Variants in MIEF1 observed in about 807,000 individuals in gnomAD.
The protein encoded by MIEF1 is mitochondrial dynamics protein MIEF1.
A neutral mutation model predicts 35.1 loss-of-function variants in MIEF1; 14 were observed. The ratio of observed to expected loss-of-function variants is 0.40; its 90% CI spans 0.26 to 0.62. MIEF1 has a LOEUF of 0.62. Among genes scored for constraint, MIEF1 ranks in the 20% least tolerant of loss-of-function variants. The probability of loss-of-function intolerance (pLI) is 0.43; values close to 1 mark genes in which losing one functional copy is unlikely to be tolerated. For missense variants in MIEF1, 542 were observed against 615.4 expected (o/e 0.88, Z 1.26); for synonymous variants, 245 against 254.3 (o/e 0.96, Z 0.35).
chr22:39,510,975 G>C (rs1342715101), intron 2 of MIEF1, among the ~76,000 whole-genome samples: 1 of 152,194 alleles, frequency 6.6e-6, no homozygotes, highest in East Asian at 1.9e-4. Flanking sequence ...GCAGAGAGAG[G>C]GCTGTTTTGC....
At position 39,517,605 on chromosome 22, in the gene MIEF1, A is replaced by G. The variant is rs765092812; in HGVS notation, c.*3282A>G. 9 of 471,188 alleles carry G rather than the reference A, an allele frequency of 1.9e-5. No homozygotes were observed. The highest frequency in any genetic ancestry group is 1.1e-4 in the South Asian group (7 of 64,572). The allele number at this position is 471,188 out of a possible 1,614,324, so 29.2% of individuals were successfully genotyped here. ...CTGCGAGTGTCCAGAGCTCTCTGCC[A>G]TGATACTTCCTTGGGACTGACTTGG... On this transcript the variant is annotated 3_prime_UTR_variant, in exon 6 of 6. Coordinates refer to ENST00000325301, the MANE Select transcript of MIEF1 (RefSeq NM_019008.6).
In MIEF1 at chr22:39,515,128, T is replaced by C; in HGVS notation, c.*805T>C. 1.6e-6 allele frequency: 1 copy of C among 628,718 alleles called. No homozygotes were observed. The highest frequency in any genetic ancestry group is 2.9e-6 in the Non-Finnish European group (1 of 342,780). 38.9% of individuals were successfully genotyped at this position (628,718 alleles called of 1,614,324 possible). A position where few individuals can be genotyped will look rare whatever the true frequency, so the allele number is the denominator to read the frequency against. On this transcript the variant is annotated 3_prime_UTR_variant, in exon 6 of 6. Coordinates refer to ENST00000325301, the MANE Select transcript of MIEF1 (RefSeq NM_019008.6). ...GTGTGCCCAGTGTCTGCTCGTCATC[T>C]GTGGCTGCAGGGGTCAGACAGACAA...
chr22:39,507,904 T>G (rs924478464), intron 2 of MIEF1, among the ~76,000 whole-genome samples: 15 of 152,094 alleles, frequency 9.9e-5, no homozygotes, highest in African/African-American at 3.6e-4. Flanking sequence ...AAGTCCAAGA[T>G]GGCATCACTG....
chr22:39,517,670 C>A lies in MIEF1; in HGVS notation c.*3347C>A. On this transcript the variant is annotated 3_prime_UTR_variant, in exon 6 of 6. Coordinates refer to ENST00000325301, the MANE Select transcript of MIEF1 (RefSeq NM_019008.6). ...TGTCAGAGGATTTGTTAGAACTCTG[C>A]CCTTTTGTCTGAAACTCAAGGCCAA... The A allele has an allele frequency of 2.1e-6, 1 of 469,042 alleles. No individual in the cohort carries two copies. The allele number at this position is 469,042 out of a possible 1,614,324, so 29.1% of individuals were successfully genotyped here.
chr22:39,513,636 T>C lies in MIEF1; in HGVS notation c.705T>C (p.Arg235=), dbSNP rs753012187. 1 of 1,614,138 alleles carries C rather than the reference T, an allele frequency of 6.2e-7. No individual in the cohort carries two copies. Among genetic ancestry groups the C allele is most frequent in the Admixed American group, 1.7e-5 (1 of 60,014 alleles). The part of the protein sequence containing the change: ...MNVPGFFLVR[R]ENPEYFPRGS... ...TCCCTGGCTTCTTCCTGGTGCGTCGTGAGAATCCAGAGTACTTTCCTCGTG... is the reference window on the plus strand; with the variant it reads ...TCCCTGGCTTCTTCCTGGTGCGTCGCGAGAATCCAGAGTACTTTCCTCGTG... Residue 235 remains arginine, a synonymous_variant, in exon 6 of 6, where the codon CGT becomes CGC. Transcript: ENST00000325301.
At chr22:39,507,032 G>C (rs1012362525) in intron 2 of MIEF1, among the ~76,000 whole-genome samples, 1 of 152,202 alleles carries the variant, frequency 6.6e-6, no homozygotes, top group Non-Finnish European at 1.5e-5. Context: ...GTTCTTACCT[G>C]CTAGTAGGCT....
chr22:39,511,452 G>A lies in MIEF1; in HGVS notation c.144+14G>A. On this transcript the variant is annotated intron_variant, in intron 3 of 5. Transcript: ENST00000325301. ...GCAGTTAAGCGGGTAAGTGCATGCA[G>A]CCAGGGCTGGGGGTGGAATGTAGTG... The A allele has an allele frequency of 6.5e-7, 1 of 1,545,232 alleles. No individual in the cohort carries two copies. Among genetic ancestry groups the A allele is most frequent in the Non-Finnish European group, 8.8e-7 (1 of 1,141,150 alleles).
chr22:39,501,844 G>T (rs34109257), upstream of MIEF1: 25,154 of 152,322 alleles, frequency 0.17, 2,365 homozygotes, highest in Middle Eastern at 0.4. Context: ...ATGGGGCCTG[G>T]GGAGTAGGAA....
intron 5 of MIEF1, 48 bp downstream of exon 5, chr22:39,512,542 A>G (rs778486400): frequency 8.3e-6 from 13 of 1,567,614 alleles, no homozygotes; most frequent in South Asian, 1.2e-5. Flanking sequence ...GCTGAGCACC[A>G]TAGTGTTGTT....
upstream of MIEF1, among the ~76,000 whole-genome samples, chr22:39,500,887 G>T (rs1344235612): frequency 6.6e-6 from 1 of 151,834 alleles, no homozygotes; most frequent in Admixed American, 6.6e-5. Flanking sequence ...GTAGAGATGG[G>T]GTTTCACCAT....
At chr22:39,500,519 A>C (rs1283354155), upstream of MIEF1, 1 of 150,502 alleles carries the variant, frequency 6.6e-6, no homozygotes, top group Non-Finnish European at 1.5e-5. Flanking sequence ...AATGCCACCA[A>C]TTATATTTAT....
intron 3 of MIEF1, 127 bp from the exon 4 acceptor site, chr22:39,511,722 A>G (rs1419497374): frequency 7.7e-7 from 1 of 1,295,898 alleles, no homozygotes; most frequent in Non-Finnish European, 1.1e-6. Context: ...AAAGTATTCT[A>G]TAATCTAAAA....
intron 2 of MIEF1, chr22:39,509,343 G>A (rs777670575): frequency 6.6e-6 from 1 of 152,196 alleles, no homozygotes; most frequent in East Asian, 1.9e-4. Context: ...TGAAGGACAC[G>A]GGATATTATA....
chr22:39,511,228 T>G, intron 2 of MIEF1, 60 bp from the exon 3 acceptor site: 4 of 1,604,908 alleles, frequency 2.5e-6, no homozygotes, highest in Non-Finnish European at 3.4e-6. Context: ...TTTGGCTTGT[T>G]AGGGGAGGGA....
chr22:39,514,507 TC>T lies in MIEF1; in HGVS notation c.*186del, dbSNP rs1309648351. ...GTCTCCTATTTTGTTACCCAACTCT[TC>T]CTATTTTTGTTACCAATCACTGTGC... On this transcript the variant is annotated 3_prime_UTR_variant, in exon 6 of 6. Transcript: ENST00000325301. 4.7e-6 allele frequency: 3 copies of T among 639,646 alleles called. No individual in the cohort carries two copies. Among genetic ancestry groups the T allele is most frequent in the Non-Finnish European group, 8.0e-6 (3 of 375,860 alleles). The allele number at this position is 639,646 out of a possible 1,614,324, so 39.6% of individuals were successfully genotyped here.
At chr22:39,500,857 G>A (rs539488913), upstream of MIEF1, among the ~76,000 whole-genome samples, 2 of 151,770 alleles carry the variant, frequency 1.3e-5, no homozygotes, top group Non-Finnish European at 1.5e-5. Context: ...CACCACTCCC[G>A]GCTAATTTTT....
chr22:39,506,224 A>G (rs1020217380), intron 2 of MIEF1, among the ~76,000 whole-genome samples: 4 of 151,892 alleles, frequency 2.6e-5, no homozygotes, highest in Non-Finnish European at 5.9e-5. Context: ...CACAACATAT[A>G]CTCCCTATGC....
At chr22:39,511,786 T>C in intron 3 of MIEF1, 63 bp from the exon 4 acceptor site, 10 of 1,527,100 alleles carry the variant, frequency 6.5e-6, no homozygotes, top group Non-Finnish European at 8.8e-6. Context: ...GGGGAGGAAG[T>C]AAATTGGAAG....
chr22:39,504,932 C>T (rs1236611581), intron 2 of MIEF1, among the ~76,000 whole-genome samples: 5 of 152,156 alleles, frequency 3.3e-5, no homozygotes, highest in Admixed American at 6.5e-5. Flanking sequence ...CGGTGGCTCA[C>T]GCCTGTAATC....
Sources: allele counts gnomAD v4.1 joint callset (sites outside exome capture counted in the v4.1 genomes callset), GRCh38; gene constraint gnomAD v4.1.1; transcripts MANE v1.5; gene names NCBI Gene and HGNC (gene_info 2026-07-23, HGNC 2026-07-21).